Variants in KCTD9 observed in about 807,000 individuals in gnomAD.
The protein encoded by KCTD9 is potassium channel tetramerization domain containing 9, also known as BTB/POZ domain-containing protein KCTD9.
In KCTD9, 17 loss-of-function variants were observed where a neutral mutation model predicts 53.3. The ratio of observed to expected loss-of-function variants is 0.32; its 90% CI spans 0.22 to 0.48. The LOEUF is 0.48. Ranked by LOEUF, KCTD9 falls within the 20% of genes least tolerant of loss-of-function variation. KCTD9 has a pLI of 0.99. For missense variants in KCTD9, 179 were observed against 465.5 expected (o/e 0.38, Z 5.66); for synonymous variants, 128 against 162.7 (o/e 0.79, Z 1.62).
intron 2 of KCTD9, 110 bp from the exon 3 acceptor site, chr8:25,444,445 A>G: frequency 9.9e-7 from 1 of 1,013,478 alleles, no homozygotes; most frequent in Middle Eastern, 2.1e-4. Flanking sequence ...AGGTTTTGCT[A>G]TCAATCTAGA....
chr8:25,440,554 AAC>A, intron 4 of KCTD9, 21 bp downstream of exon 4: 1 of 1,470,706 alleles, frequency 6.8e-7, no homozygotes, highest in Non-Finnish European at 9.5e-7. Flanking sequence ...TTCTCTTTCT[AAC>A]ACACATACAC....
rs908994912 is a variant in KCTD9 at position 25,428,369 on chromosome 8, A to G, written c.*1488T>C. Reference sequence around the variant, plus strand: ...GGTCTGATCTCCTCCCACTATGCATATGTACCCTTTACTGTTAAGGAAAGC... The same window carrying G: ...GGTCTGATCTCCTCCCACTATGCATGTGTACCCTTTACTGTTAAGGAAAGC... On this transcript the variant is annotated 3_prime_UTR_variant, in exon 12 of 12. Transcript: ENST00000221200. 8 of 152,548 alleles carry G rather than the reference A, an allele frequency of 5.2e-5. 1 individual carries two copies. Among genetic ancestry groups the G allele is most frequent in the Admixed American group, 4.6e-4 (7 of 15,250 alleles). The allele number at this position is 152,548 out of a possible 1,614,324, so 9.4% of individuals were successfully genotyped here. A position where few individuals can be genotyped will look rare whatever the true frequency, so the allele number is the denominator to read the frequency against.
chr8:25,458,105 CTA>C, intron 1 of KCTD9, 92 bp downstream of exon 1: 2 of 1,289,372 alleles, frequency 1.6e-6, no homozygotes, highest in South Asian at 1.3e-5. Context: ...CCCAGCCCCT[CTA>C]CCCAACTTCA....
intron 11 of KCTD9, 84 bp downstream of exon 11, chr8:25,432,420 C>G (rs1213381640): frequency 3.2e-6 from 4 of 1,254,552 alleles, no homozygotes; most frequent in Non-Finnish European, 2.3e-6. Flanking sequence ...CAGCCAACTA[C>G]TTTGTTTTGA....
chr8:25,453,430 C>T (rs1338353422), intron 1 of KCTD9, among the ~76,000 whole-genome samples: 6 of 151,384 alleles, frequency 4.0e-5, no homozygotes, highest in South Asian at 2.1e-4. Context: ...CTGAGGCTGG[C>T]GGATCACGAA....
intron 9 of KCTD9, among the ~76,000 whole-genome samples, chr8:25,434,249 A>T (rs1801979922): frequency 6.6e-6 from 1 of 152,042 alleles, no homozygotes; most frequent in Non-Finnish European, 1.5e-5. Flanking sequence ...ACAGGCATGC[A>T]CCACCACGCC....
At chr8:25,430,648 A>G (rs1382954343) in intron 11 of KCTD9, among the ~76,000 whole-genome samples, 1 of 152,194 alleles carries the variant, frequency 6.6e-6, no homozygotes, top group East Asian at 1.9e-4. Context: ...TAATACTAGT[A>G]GAAATAAAGT....
chr8:25,433,832 T>C (rs1054125300), intron 9 of KCTD9, among the ~76,000 whole-genome samples: 2 of 152,294 alleles, frequency 1.3e-5, no homozygotes, highest in East Asian at 3.9e-4. Context: ...GTTAGGGGTA[T>C]GGATTTTCTT....
intron 1 of KCTD9, among the ~76,000 whole-genome samples, chr8:25,454,683 T>C (rs556596407): frequency 2.6e-5 from 4 of 152,196 alleles, no homozygotes; most frequent in Admixed American, 2.6e-4. Context: ...AAACCAAAGA[T>C]TCCAGTGATT....
chr8:25,442,951 T>C (rs909578558), intron 3 of KCTD9, among the ~76,000 whole-genome samples: 4 of 152,178 alleles, frequency 2.6e-5, no homozygotes, highest in African/African-American at 4.8e-5. Flanking sequence ...TCAGGACTAT[T>C]GATATAGAAA....
rs1802104684 is a variant in KCTD9, at chr8:25,440,625, G to A, written c.263C>T (p.Thr88Ile). 1.2e-6 allele frequency: 2 copies of A among 1,612,788 alleles called. No individual in the cohort carries two copies. Residue 88 changes from threonine to isoleucine, a missense_variant, in exon 4 of 12, where the codon ACA becomes ATA. Coordinates refer to ENST00000221200, the MANE Select transcript of KCTD9 (RefSeq NM_017634.4). ...TCCAACATTTAATGTCAGCCAGTCT[G>A]TGTGGAATCCTAACAATCCCTCAGG... ...KPPEGLLGFH[T>I]DWLTLNVGGR...
At chr8:25,454,034 T>C (rs1350849635) in intron 1 of KCTD9, among the ~76,000 whole-genome samples, 1 of 152,066 alleles carries the variant, frequency 6.6e-6, no homozygotes, top group African/African-American at 2.4e-5. Flanking sequence ...ACTAACAACA[T>C]ATTTCTTTTT....
chr8:25,456,023 T>TA (rs1207953946), intron 1 of KCTD9, among the ~76,000 whole-genome samples: 1 of 152,192 alleles, frequency 6.6e-6, no homozygotes, highest in African/African-American at 2.4e-5. Flanking sequence ...CAACGTCAAA[T>TA]ACGTCCACCA....
At chr8:25,435,326 CATTTA>C (rs781150717) in intron 9 of KCTD9, 32 bp downstream of exon 9, 1 of 1,474,008 alleles carries the variant, frequency 6.8e-7, no homozygotes, top group Non-Finnish European at 9.1e-7. Context: ...ATAGACTAAA[CATTTA>C]ATTTTCTCTT....
chr8:25,448,402 C>G (rs1802255584), intron 1 of KCTD9, among the ~76,000 whole-genome samples: 1 of 152,156 alleles, frequency 6.6e-6, no homozygotes, highest in African/African-American at 2.4e-5. Context: ...AGACTTATTT[C>G]TTAATGGTTA....
intron 1 of KCTD9, among the ~76,000 whole-genome samples, chr8:25,452,526 A>C (rs11995050): frequency 0.19 from 28,567 of 152,120 alleles, 3,010 homozygotes; most frequent in East Asian, 0.25. Context: ...AAAAATGTAC[A>C]TTCCTACCCC....
chr8:25,436,559 T>C (rs1802021782), intron 6 of KCTD9, 74 bp from the exon 7 acceptor site: 1 of 868,992 alleles, frequency 1.2e-6, no homozygotes, highest in Non-Finnish European at 1.8e-6. Context: ...TTTACTAAAA[T>C]ACGATTAGTT....
At chr8:25,436,871 T>C (rs900816257) in intron 6 of KCTD9, among the ~76,000 whole-genome samples, 2 of 152,230 alleles carry the variant, frequency 1.3e-5, no homozygotes, top group African/African-American at 4.8e-5. Flanking sequence ...CATCAGAATG[T>C]GTGGGAATAC....
intron 11 of KCTD9, among the ~76,000 whole-genome samples, chr8:25,431,633 C>A (rs1164214796): frequency 6.6e-6 from 1 of 152,024 alleles, no homozygotes; most frequent in Admixed American, 6.6e-5. Context: ...AAAATATAAT[C>A]TTAGGTGAAA....
Sources: gnomAD v4.1 joint callset for allele counts (sites outside exome capture counted in the v4.1 genomes callset) on GRCh38, gnomAD v4.1.1 for gene constraint, MANE v1.5 for transcripts, NCBI Gene and HGNC (gene_info 2026-07-23, HGNC 2026-07-21) for gene names.